PAK2: variants seen among roughly 807,000 people sequenced by gnomAD.
PAK2 encodes p21 (RAC1) activated kinase 2.
In PAK2, 21 loss-of-function variants were observed where a neutral mutation model predicts 65.9. The ratio of observed to expected loss-of-function variants is 0.32; its 90% CI spans 0.23 to 0.46. The LOEUF (loss-of-function observed/expected upper bound fraction) is 0.46. Among genes scored for constraint, PAK2 ranks in the 20% least tolerant of loss-of-function variants. The probability of loss-of-function intolerance (pLI) is 1.00; values close to 1 mark genes in which losing one functional copy is unlikely to be tolerated. For missense variants in PAK2, 324 were observed against 642.6 expected (o/e 0.50, Z 5.36); for synonymous variants, 204 against 219.7 (o/e 0.93, Z 0.63).
At chr3:196,819,043 G>T (rs141486687) in intron 12 of PAK2, among the ~76,000 whole-genome samples, 1 of 152,122 alleles carries the variant, frequency 6.6e-6, no homozygotes, top group Non-Finnish European at 1.5e-5. Flanking sequence ...TAAGTACAAG[G>T]ATGTTCTCTG....
intron 1 of PAK2, among the ~76,000 whole-genome samples, chr3:196,754,581 G>A (rs1713708819): frequency 6.6e-6 from 1 of 152,100 alleles, no homozygotes; most frequent in East Asian, 1.9e-4. Flanking sequence ...GTATGAGAGT[G>A]GCCCTCATTT....
chr3:196,818,244 TTAA>T, intron 12 of PAK2, 88 bp downstream of exon 12: 1 of 612,374 alleles, frequency 1.6e-6, no homozygotes, highest in Non-Finnish European at 3.0e-6. Context: ...AATGCAAGGA[TTAA>T]TAATGATTTA....
At chr3:196,797,693 G>C (rs753525993) in intron 2 of PAK2, among the ~76,000 whole-genome samples, 5 of 152,008 alleles carry the variant, frequency 3.3e-5, no homozygotes, top group Non-Finnish European at 7.4e-5. Flanking sequence ...GGAGGTTGCA[G>C]TGAACCAAGA....
chr3:196,771,811 GCCTCCCAAAGTGC>G, intron 1 of PAK2, among the ~76,000 whole-genome samples: 1 of 152,220 alleles, frequency 6.6e-6, no homozygotes, highest in Non-Finnish European at 1.5e-5. Flanking sequence ...ACCCGCCTAA[GCCTCCCAAAGTGC>G]TGGGATTACA....
intron 9 of PAK2, 88 bp from the exon 10 acceptor site, chr3:196,812,651 C>T (rs186695838): frequency 4.3e-4 from 283 of 665,054 alleles, no homozygotes; most frequent in Non-Finnish European, 6.9e-4. Flanking sequence ...ATACAGTACA[C>T]GTACCGTGAG....
rs531179390 is a variant in PAK2, at chr3:196,791,545, A to G, written c.187+8712A>G. Among the ~76,000 whole-genome samples, 111 of 152,276 alleles carry G rather than the reference A, an allele frequency of 7.3e-4. No individual in the cohort carries two copies. The highest frequency in any genetic ancestry group is 2.6e-3 in the African/African-American group (106 of 41,564). On this transcript the variant is annotated intron_variant, in intron 2 of 14. Coordinates refer to ENST00000327134, the MANE Select transcript of PAK2 (RefSeq NM_002577.4). This position sits in a 1 kb window ranked among gnomAD's most constrained non-coding sequence, Gnocchi z 4.0. The stretch of plus-strand genomic sequence containing the variant: ...CAGGAACCAGGAATACTCTTGCTAG[A>G]TATGTTATCTCTCACCCTTCTTTTT...
At chr3:196,796,545 C>G (rs1715265929) in intron 2 of PAK2, among the ~76,000 whole-genome samples, 1 of 152,028 alleles carries the variant, frequency 6.6e-6, no homozygotes, top group Admixed American at 6.6e-5. Context: ...ATACTAAAAC[C>G]CATTGAAGTG....
chr3:196,813,617 T>C (rs1415569244), intron 10 of PAK2, among the ~76,000 whole-genome samples: 1 of 152,162 alleles, frequency 6.6e-6, no homozygotes, highest in African/African-American at 2.4e-5. Context: ...AAATAATGTT[T>C]AGAGACTTTA....
intron 13 of PAK2, among the ~76,000 whole-genome samples, chr3:196,826,871 A>G (rs969846927): frequency 3.3e-5 from 5 of 152,086 alleles, no homozygotes; most frequent in Non-Finnish European, 2.9e-5. Flanking sequence ...CAGTGAGCCA[A>G]GATTGCACCA....
intron 11 of PAK2, among the ~76,000 whole-genome samples, chr3:196,815,404 A>G (rs1233158434): frequency 2.0e-5 from 3 of 151,022 alleles, no homozygotes; most frequent in Admixed American, 6.6e-5. Flanking sequence ...AGGCGGGAGA[A>G]TCGCTTGAGC....
intron 1 of PAK2, among the ~76,000 whole-genome samples, chr3:196,742,474 T>C (rs1713232776): frequency 6.6e-6 from 1 of 152,340 alleles, no homozygotes; most frequent in South Asian, 2.1e-4. Flanking sequence ...TTTTCTAATA[T>C]TTAAGAACTT....
At chr3:196,764,325 A>G (rs1439417505) in intron 1 of PAK2, among the ~76,000 whole-genome samples, 3 of 151,836 alleles carry the variant, frequency 2.0e-5, no homozygotes, top group Admixed American at 6.6e-5. Flanking sequence ...TTAGAAGTCC[A>G]TTTTTTCTTG....
At chr3:196,741,252 T>C (rs1713182170) in intron 1 of PAK2, among the ~76,000 whole-genome samples, 1 of 152,212 alleles carries the variant, frequency 6.6e-6, no homozygotes, top group Non-Finnish European at 1.5e-5. Flanking sequence ...TATTGAAATG[T>C]ACAAGAATTT....
At chr3:196,745,694 G>T (rs929998142) in intron 1 of PAK2, among the ~76,000 whole-genome samples, 1 of 151,876 alleles carries the variant, frequency 6.6e-6, no homozygotes, top group Non-Finnish European at 1.5e-5. Flanking sequence ...CACACCTGTA[G>T]TTCCAGCTAC....
chr3:196,801,186 C>G (rs956360914), intron 2 of PAK2, among the ~76,000 whole-genome samples: 1 of 152,190 alleles, frequency 6.6e-6, no homozygotes, highest in Non-Finnish European at 1.5e-5. Context: ...TGTGTATTAT[C>G]TGCGGAGTCA....
chr3:196,763,964 A>ATTTT (rs11314152), intron 1 of PAK2, among the ~76,000 whole-genome samples: 1 of 140,624 alleles, frequency 7.1e-6, no homozygotes, highest in Non-Finnish European at 1.5e-5. Flanking sequence ...ACGCCCGGCT[A>ATTTT]TTTTTTTTTT....
intron 1 of PAK2, among the ~76,000 whole-genome samples, chr3:196,740,703 C>T (rs1713161631): frequency 1.3e-5 from 2 of 152,148 alleles, no homozygotes; most frequent in Non-Finnish European, 2.9e-5. Context: ...TAGAGCGTCC[C>T]GGGCGCTTGA....
chr3:196,790,634 A>G (rs954320763), intron 2 of PAK2, among the ~76,000 whole-genome samples: 2 of 152,326 alleles, frequency 1.3e-5, no homozygotes, highest in South Asian at 2.1e-4. Context: ...CCCTGACCCA[A>G]TGACGGATGA....
At chr3:196,750,663 G>A (rs2108709802) in intron 1 of PAK2, among the ~76,000 whole-genome samples, 1 of 150,378 alleles carries the variant, frequency 6.6e-6, no homozygotes, top group South Asian at 2.1e-4. Flanking sequence ...AAAATTGCGT[G>A]TAGTTTATTT....
Sources: allele counts gnomAD v4.1 joint callset (sites outside exome capture counted in the v4.1 genomes callset), GRCh38; gene constraint gnomAD v4.1.1; non-coding constraint Gnocchi (gnomAD v3.1); transcripts MANE v1.5; gene names NCBI Gene and HGNC (gene_info 2026-07-23, HGNC 2026-07-21).